Variants in TLR6 observed in about 807,000 individuals in gnomAD.
TLR6 encodes toll-like receptor 6.
In TLR6, 9 loss-of-function variants were observed where a neutral mutation model predicts 16.1. The ratio of observed to expected loss-of-function variants is 0.56; its 90% CI spans 0.34 to 0.98. The LOEUF (loss-of-function observed/expected upper bound fraction) is 0.98. TLR6 is among the 50% of genes least tolerant of loss of function. The pLI is 0.02. For missense variants in TLR6, 786 were observed against 921.0 expected (o/e 0.85, Z 1.90); for synonymous variants, 340 against 338.6 (o/e 1.00, Z -0.04).
upstream of TLR6, among the ~76,000 whole-genome samples, chr4:38,858,881 AAGAAAGAGAG>A (rs1405579677): frequency 9.9e-5 from 9 of 90,584 alleles, no homozygotes; most frequent in East Asian, 1.2e-3. Context: ...GAAAGAAAGA[AAGAAAGAGAG>A]AAAGAAAGAA....
At chr4:38,847,480 G>A (rs557991135) in intron 1 of TLR6, among the ~76,000 whole-genome samples, 53 of 149,004 alleles carry the variant, frequency 3.6e-4, no homozygotes, top group African/African-American at 1.2e-3. Flanking sequence ...CCGAAGCACG[G>A]TGAGGCATTG....
At chr4:38,851,583 T>G (rs370350770) in intron 1 of TLR6, among the ~76,000 whole-genome samples, 14 of 152,318 alleles carry the variant, frequency 9.2e-5, no homozygotes, top group Admixed American at 5.2e-4. Flanking sequence ...AGCATTCTTA[T>G]ACATCAATAA....
chr4:38,827,114 A>G (rs775352343), exon 2 of TLR6: 9 of 1,594,508 alleles, frequency 5.6e-6, no homozygotes, highest in Non-Finnish European at 7.7e-6. Flanking sequence ...TTCAGTGACT[A>G]GTGTTAATTT....
At chr4:38,854,132 C>T (rs940642514) in intron 1 of TLR6, among the ~76,000 whole-genome samples, 2 of 151,982 alleles carry the variant, frequency 1.3e-5, no homozygotes, top group Non-Finnish European at 2.9e-5. Context: ...GAATAATTTG[C>T]CAAAAATCAA....
the TLR6 span, among the ~76,000 whole-genome samples, chr4:38,864,720 G>A: frequency 7.0e-4 from 107 of 152,320 alleles, no homozygotes; most frequent in African/African-American, 2.3e-3. Flanking sequence ...TTAGAAATAT[G>A]AGTGAGGGGG....
chr4:38,840,511 G>T (rs539019927), intron 1 of TLR6, among the ~76,000 whole-genome samples: 3 of 151,968 alleles, frequency 2.0e-5, no homozygotes, highest in Non-Finnish European at 4.4e-5. Flanking sequence ...GTGGGTTCCT[G>T]TAATCCCAGC....
chr4:38,840,690 T>C (rs1343932443), intron 1 of TLR6, among the ~76,000 whole-genome samples: 3 of 151,920 alleles, frequency 2.0e-5, no homozygotes, highest in Non-Finnish European at 2.9e-5. Context: ...ACCAGTATTG[T>C]TTCTGCCAAA....
intron 1 of TLR6, among the ~76,000 whole-genome samples, chr4:38,833,546 A>C (rs1711741774): frequency 6.6e-6 from 1 of 152,164 alleles, no homozygotes; most frequent in African/African-American, 2.4e-5. Context: ...CTAGAGGCAA[A>C]AGTCTTTCCC....
intron 1 of TLR6, among the ~76,000 whole-genome samples, chr4:38,831,974 A>G (rs6531668): frequency 0.62 from 93,937 of 152,082 alleles, 30,356 homozygotes; most frequent in African/African-American, 0.81. Flanking sequence ...CTTATCACAC[A>G]ATCCAGCAAA....
chr4:38,865,516 GCA>G, the TLR6 span, among the ~76,000 whole-genome samples: 2 of 152,196 alleles, frequency 1.3e-5, no homozygotes, highest in South Asian at 4.1e-4. Flanking sequence ...GGCTGTTACG[GCA>G]CAGCAGGGAA....
chr4:38,835,762 T>C (rs1711880020), intron 1 of TLR6, among the ~76,000 whole-genome samples: 1 of 152,218 alleles, frequency 6.6e-6, no homozygotes, highest in Non-Finnish European at 1.5e-5. Flanking sequence ...ATTGAAATCA[T>C]ATCAAGTATT....
intron 1 of TLR6, among the ~76,000 whole-genome samples, chr4:38,845,814 A>G (rs1053803148): frequency 5.9e-5 from 9 of 152,224 alleles, no homozygotes; most frequent in African/African-American, 2.2e-4. Flanking sequence ...GACTGGGGCC[A>G]GGCATGGTGG....
chr4:38,830,303 C>T (rs774641048), intron 1 of TLR6, among the ~76,000 whole-genome samples: 26 of 152,306 alleles, frequency 1.7e-4, no homozygotes, highest in Middle Eastern at 3.4e-3. Context: ...TGGCTGACCA[C>T]TAAGCTAACT....
At chr4:38,839,554 T>C (rs1404363101) in intron 1 of TLR6, among the ~76,000 whole-genome samples, 1 of 152,188 alleles carries the variant, frequency 6.6e-6, no homozygotes, top group Non-Finnish European at 1.5e-5. Context: ...TATACCAGTA[T>C]CCAGTTTGGC....
upstream of TLR6, among the ~76,000 whole-genome samples, chr4:38,860,749 A>G (rs1446029019): frequency 6.6e-6 from 1 of 152,212 alleles, no homozygotes; most frequent in Non-Finnish European, 1.5e-5. Context: ...AAAGGTATGC[A>G]TCCTCATTAG....
At chr4:38,858,473 A>C (rs1042012962), upstream of TLR6, among the ~76,000 whole-genome samples, 1 of 152,124 alleles carries the variant, frequency 6.6e-6, no homozygotes, top group Non-Finnish European at 1.5e-5. Flanking sequence ...TAATCCCAGC[A>C]CTTCGGGAGG....
At chr4:38,828,258 C>T in exon 2 of TLR6, 1 of 1,613,540 alleles carries the variant, frequency 6.2e-7, no homozygotes, top group Non-Finnish European at 8.5e-7. Context: ...TCCAGTATTT[C>T]CAAAGAAGGC....
At chr4:38,862,946 A>AAC in the TLR6 span, among the ~76,000 whole-genome samples, 2 of 150,962 alleles carry the variant, frequency 1.3e-5, no homozygotes, top group African/African-American at 4.9e-5. Context: ...AAAAAAAAAA[A>AAC]AAAAAAAACT....
At chr4:38,862,015 C>T in the TLR6 span, among the ~76,000 whole-genome samples, 2 of 152,202 alleles carry the variant, frequency 1.3e-5, no homozygotes, top group Non-Finnish European at 2.9e-5. Context: ...AACATTCTCA[C>T]GCGATGATGC....
Sources: gnomAD v4.1 joint callset for allele counts (sites outside exome capture counted in the v4.1 genomes callset) on GRCh38, gnomAD v4.1.1 for gene constraint, MANE v1.5 for transcripts, NCBI Gene and HGNC (gene_info 2026-07-23, HGNC 2026-07-21) for gene names.